Variants in TMEM109 observed in about 807,000 individuals in gnomAD.
TMEM109 encodes the protein transmembrane protein 109.
A neutral mutation model predicts 26.4 loss-of-function variants in TMEM109; 19 were observed. The observed-to-expected ratio is 0.72, with a 90% CI of 0.50 to 1.06. TMEM109 has a LOEUF of 1.06. TMEM109 is among the 50% of genes least tolerant of loss of function. The pLI is 0.00. For synonymous variants in TMEM109, 129 were observed against 142.0 expected (o/e 0.91, Z 0.65); for missense variants, 262 against 303.4 (o/e 0.86, Z 1.01).
chr11:60,920,941 C>T lies in TMEM109; in HGVS notation c.293C>T (p.Ala98Val). The change falls in exon 3 of 4, where the codon GCT becomes GTT. Residue 98 changes from alanine to valine, a missense_variant. By Grantham distance (64) the Ala-to-Val change is moderately conservative. Coordinates refer to ENST00000227525, the MANE Select transcript of TMEM109 (RefSeq NM_024092.3). Reference sequence around the variant, plus strand: ...TCAGCCATTTCTGTGGCCTTCTTTGCTCTGTCTGGGATCGCCGCACAGCTG... The same window carrying T: ...TCAGCCATTTCTGTGGCCTTCTTTGTTCTGTCTGGGATCGCCGCACAGCTG... ...ISSAISVAFF[A>V]LSGIAAQLLN... 6.2e-7 allele frequency: 1 copy of T among 1,614,222 alleles called. No individual in the cohort carries two copies. Among genetic ancestry groups the T allele is most frequent in the Non-Finnish European group, 8.5e-7 (1 of 1,180,018 alleles).
At position 60,922,010 on chromosome 11, in the gene TMEM109, C is replaced by G. The variant is rs1352367384; in HGVS notation, c.577C>G (p.Leu193Val). Residue 193 changes from leucine (L) to valine (V), a missense_variant, in exon 4 of 4, where the codon CTG becomes GTG. Leu to Val is a conservative substitution (Grantham distance 32). Coordinates refer to ENST00000227525, the MANE Select transcript of TMEM109 (RefSeq NM_024092.3). ...CCGGGCCCTGCTACTCCTGGCCTTG[C>G]TGATCCTCTACGCCCTGCTGAGCCG... ...STRALLLLAL[L>V]ILYALLSRLT... The G allele has an allele frequency of 1.2e-6, 2 of 1,613,090 alleles. No individual in the cohort carries two copies. The highest frequency in any genetic ancestry group is 1.7e-6 in the Non-Finnish European group (2 of 1,180,012).
chr11:60,915,661 T>C (rs1268778951), intron 1 of TMEM109, among the ~76,000 whole-genome samples: 1 of 152,168 alleles, frequency 6.6e-6, no homozygotes, highest in Admixed American at 6.5e-5. Flanking sequence ...AGGGCACTTT[T>C]TGCCGCCCCT....
intron 1 of TMEM109, among the ~76,000 whole-genome samples, chr11:60,919,346 C>G (rs755662375): frequency 6.6e-6 from 1 of 152,152 alleles, no homozygotes. Flanking sequence ...ACTTTTATGC[C>G]TATAGCACCT....
At chr11:60,916,678 G>A (rs775939354) in intron 1 of TMEM109, among the ~76,000 whole-genome samples, 6 of 152,228 alleles carry the variant, frequency 3.9e-5, no homozygotes, top group Admixed American at 6.5e-5. Context: ...GGTATCTGGT[G>A]CACTTCAGAA....
rs1281021101 is a variant in TMEM109, at chr11:60,921,878, C to T, written c.445C>T (p.Leu149Phe). The part of the protein sequence containing the change: ...LVVYWLLSLL[L>F]GLVLALLGRI... The stretch of plus-strand genomic sequence containing the variant: ...CGTCTACTGGCTGCTGTCTCTGCTC[C>T]TCGGCTTGGTCTTGGCCTTGCTGGG... The change falls in exon 4 of 4, where the codon CTC becomes TTC. Residue 149 changes from leucine (L) to phenylalanine (F), a missense_variant. Transcript: ENST00000227525. 1 of 1,614,216 alleles carries T rather than the reference C, an allele frequency of 6.2e-7. No homozygotes were observed. Among genetic ancestry groups the T allele is most frequent in the Admixed American group, 1.7e-5 (1 of 60,036 alleles).
intron 1 of TMEM109, among the ~76,000 whole-genome samples, chr11:60,915,823 C>G (rs779903800): frequency 1.3e-5 from 2 of 152,226 alleles, no homozygotes; most frequent in African/African-American, 4.8e-5. Flanking sequence ...CGCCTTCTCA[C>G]TAACACAATA....
Position 60,922,678 on chromosome 11 carries a change from A to G in TMEM109, c.*513A>G, listed in dbSNP as rs1856261735. 1 of 261,694 alleles carries G rather than the reference A, an allele frequency of 3.8e-6. No individual in the cohort carries two copies. The highest frequency in any genetic ancestry group is 7.7e-6 in the Non-Finnish European group (1 of 130,210). 16.2% of individuals were successfully genotyped at this position (261,694 alleles called of 1,614,324 possible). ...CACGCTCCTGTCCTCCTCATTGCCC[A>G]GCAGTAGGGAGGGGCAGGGGTAAGG... On this transcript the variant is annotated 3_prime_UTR_variant, in exon 4 of 4. Coordinates refer to ENST00000227525, the MANE Select transcript of TMEM109 (RefSeq NM_024092.3).
At chr11:60,921,079 C>T in intron 3 of TMEM109, 91 bp downstream of exon 3, 2 of 1,164,338 alleles carry the variant, frequency 1.7e-6, no homozygotes, top group Non-Finnish European at 2.5e-6. Flanking sequence ...TAGCCTTTTC[C>T]CCAAGCTGCT....
intron 1 of TMEM109, 43 bp from the exon 2 acceptor site, chr11:60,919,643 T>G: frequency 6.7e-7 from 1 of 1,484,066 alleles, no homozygotes; most frequent in Non-Finnish European, 9.4e-7. Flanking sequence ...AGGGTGAGTG[T>G]GTCTACCATG....
chr11:60,922,129 A>G lies in TMEM109; in HGVS notation c.696A>G (p.Arg232=), dbSNP rs759183145. ...AGGAGCTGCGCTGGCGCCAGAGGCG[A>G]GCGGCCAAGGGGGCCCGCAGTGTGG... is the stretch of plus-strand genomic sequence containing the variant. The part of the protein sequence containing the change: ...QVEELRWRQR[R]AAKGARSVEE... Residue 232 remains arginine, a synonymous_variant, in exon 4 of 4, where the codon CGA becomes CGG. Coordinates refer to ENST00000227525, the MANE Select transcript of TMEM109 (RefSeq NM_024092.3). The G allele has an allele frequency of 1.3e-5, 21 of 1,608,122 alleles. No homozygotes were observed. The Admixed American group carries it at 3.4e-4, about 26-fold the overall frequency.
At chr11:60,915,240 G>A (rs74683688) in intron 1 of TMEM109, among the ~76,000 whole-genome samples, 3,254 of 152,324 alleles carry the variant, frequency 0.021, 55 homozygotes, top group South Asian at 0.029. Flanking sequence ...AGCGCTTGCT[G>A]CAGAAATATC....
intron 1 of TMEM109, among the ~76,000 whole-genome samples, chr11:60,918,037 A>G (rs1271450009): frequency 6.6e-6 from 1 of 152,150 alleles, no homozygotes; most frequent in Admixed American, 6.5e-5. Context: ...GAGGGGTCCA[A>G]TGTCAGAAGT....
intron 1 of TMEM109, among the ~76,000 whole-genome samples, chr11:60,916,656 C>T (rs951393597): frequency 2.6e-5 from 4 of 152,224 alleles, no homozygotes; most frequent in African/African-American, 9.6e-5. Context: ...ACTACACAAT[C>T]CTGTTAGGTT....
At chr11:60,914,340 C>T (rs1013092748) in intron 1 of TMEM109, 72 bp downstream of exon 1, 2 of 152,378 alleles carry the variant, frequency 1.3e-5, no homozygotes, top group African/African-American at 4.8e-5. Context: ...GCAGGCGGCA[C>T]CAGGCGGAGC....
intron 1 of TMEM109, among the ~76,000 whole-genome samples, chr11:60,915,596 AC>A (rs375347422): frequency 6.6e-6 from 1 of 152,064 alleles, no homozygotes; most frequent in Admixed American, 6.6e-5. Flanking sequence ...AAAGTTGAGA[AC>A]CGCCGCTCCT....
chr11:60,919,644 G>A (rs529877654), intron 1 of TMEM109, 42 bp from the exon 2 acceptor site: 1 of 1,504,116 alleles, frequency 6.6e-7, no homozygotes, highest in Admixed American at 1.7e-5. Context: ...GGGTGAGTGT[G>A]TCTACCATGG....
In TMEM109 at chr11:60,920,886, T is replaced by C; in HGVS notation, c.238T>C (p.Ser80Pro). 1 of 1,613,900 alleles carries C rather than the reference T, an allele frequency of 6.2e-7. No individual in the cohort carries two copies. The highest frequency in any genetic ancestry group is 8.5e-7 in the Non-Finnish European group (1 of 1,179,792). The change falls in exon 3 of 4, where the codon TCT becomes CCT. Residue 80 changes from serine to proline, a missense_variant and splice_region_variant. Transcript: ENST00000227525. ...ATCTCGCTCCGTGCTCTTTCCACAGTCTTCGTCCCAAGTGTTGTGGGCCAT... is the reference window on the plus strand; with the variant it reads ...ATCTCGCTCCGTGCTCTTTCCACAGCCTTCGTCCCAAGTGTTGTGGGCCAT... ...GPETMHLVSE[S>P]SSQVLWAISS... is the part of the protein sequence containing the mutation.
chr11:60,921,039 T>A lies in TMEM109; in HGVS notation c.340+51T>A, dbSNP rs771065557. On this transcript the variant is annotated intron_variant, in intron 3 of 3. Transcript: ENST00000227525. ...AGCCAGAGCTTTGCCTGTACTTTCC[T>A]ACTTGTGGGAGTTCATCTTTGTCAG... The A allele has an allele frequency of 3.4e-6, 5 of 1,481,522 alleles. 1 individual carries two copies. Among genetic ancestry groups the A allele is most frequent in the Non-Finnish European group, 3.8e-6 (4 of 1,061,670 alleles). The allele number at this position is 1,481,522 out of a possible 1,614,324, so 91.8% of individuals were successfully genotyped here.
intron 1 of TMEM109, among the ~76,000 whole-genome samples, chr11:60,916,605 C>T (rs187382162): frequency 9.0e-4 from 137 of 152,326 alleles, no homozygotes; most frequent in Non-Finnish European, 1.7e-3. Context: ...AAAAAGCAGA[C>T]CAGCCAGCCA....
Sources: gnomAD v4.1 joint callset for allele counts (sites outside exome capture counted in the v4.1 genomes callset) on GRCh38, gnomAD v4.1.1 for gene constraint, MANE v1.5 for transcripts, NCBI Gene and HGNC (gene_info 2026-07-23, HGNC 2026-07-21) for gene names.